The following MEG3 variants were observed in gnomAD, a reference collection of about 807,000 sequenced individuals.
MEG3 encodes Very putative protein from MEG3 locus.
exon 1 of MEG3, chr14:100,858,970 T>A (rs2038322507): frequency 6.6e-6 from 1 of 152,406 alleles, no homozygotes; most frequent in African/African-American, 2.4e-5. Flanking sequence ...AGGCACCTAG[T>A]GTCCCTTGGA....
At position 100,837,361 on chromosome 14, in the gene MEG3, A is replaced by G. The variant is rs1486700541; in HGVS notation, n.3045+1061A>G. 6.6e-6 allele frequency among the ~76,000 whole-genome samples: 1 copy of G among 152,078 alleles called. No individual in the cohort carries two copies. The highest frequency in any genetic ancestry group is 2.4e-5 in the African/African-American group (1 of 41,414). ...GTCAGGATCCTGGCACCCCTCATAT[A>G]TGACGCCCCTGGGGTGGCCATTGTG... On this transcript the variant is annotated intron_variant and non_coding_transcript_variant, in intron 2 of 3. Coordinates refer to the MEG3 transcript ENST00000398461. This position sits in a 1 kb window ranked among gnomAD's most constrained non-coding sequence, Gnocchi z 5.8.
At chr14:100,838,349 C>T (rs938863265) in intron 2 of MEG3, among the ~76,000 whole-genome samples, 4 of 152,144 alleles carry the variant, frequency 2.6e-5, no homozygotes, top group African/African-American at 7.2e-5. Flanking sequence ...GTTTCGGTCT[C>T]AGGCAAACAC....
Position 100,837,841 on chromosome 14 carries a change from G to A in MEG3, n.3045+1541G>A, listed in dbSNP as rs74080165. 0.024 allele frequency among the ~76,000 whole-genome samples: 3,615 copies of A among 152,204 alleles called. 141 individuals are homozygous for A. The highest frequency in any genetic ancestry group is 0.077 in the African/African-American group (3,202 of 41,486). On this transcript the variant is annotated intron_variant and non_coding_transcript_variant, in intron 2 of 3. Transcript: ENST00000398461. This position sits in a 1 kb window ranked among gnomAD's most constrained non-coding sequence, Gnocchi z 5.8. ...GGCAGCGTAGGCAGAGGGGGCAGAG[G>A]CGCTCTAACCTGGGGCTGTTGCCTT... is the stretch of plus-strand genomic sequence containing the variant.
At position 100,845,513 on chromosome 14, in the gene MEG3, G is replaced by T; in HGVS notation, n.3101G>T. 1 of 456,732 alleles carries T rather than the reference G, an allele frequency of 2.2e-6. No individual in the cohort carries two copies. Among genetic ancestry groups the T allele is most frequent in the Non-Finnish European group, 4.4e-6 (1 of 226,964 alleles). The allele number at this position is 456,732 out of a possible 1,614,324, so 28.3% of individuals were successfully genotyped here. Reference sequence around the variant, plus strand: ...AAGGGACCTCGAATGTGGGACCCCAGCCCCTCTCCAGCTCGAAATCGTAAG... The same window carrying T: ...AAGGGACCTCGAATGTGGGACCCCATCCCCTCTCCAGCTCGAAATCGTAAG... On this transcript the variant is annotated non_coding_transcript_exon_variant, in exon 3 of 4. Coordinates refer to the MEG3 transcript ENST00000398461. The surrounding 1 kb of genome is among the most constrained non-coding windows in gnomAD (Gnocchi z 5.2).
At position 100,845,328 on chromosome 14, in the gene MEG3, T is replaced by A. The variant is rs1309774788; in HGVS notation, n.3046-130T>A. On this transcript the variant is annotated intron_variant and non_coding_transcript_variant, in intron 2 of 3. Coordinates refer to the MEG3 transcript ENST00000398461. This position sits in a 1 kb window ranked among gnomAD's most constrained non-coding sequence, Gnocchi z 5.2. ...GTGGCTTCTCCAATTCCACACTTGC[T>A]GGAGGTTGGGGAGTCTCTGCTCCAG... 2.8e-6 allele frequency: 1 copy of A among 356,358 alleles called. No homozygotes were observed. The highest frequency in any genetic ancestry group is 5.6e-6 in the Non-Finnish European group (1 of 179,004). 22.1% of individuals were successfully genotyped at this position (356,358 alleles called of 1,614,324 possible).
At chr14:100,842,966 C>A (rs1036439296) in intron 2 of MEG3, among the ~76,000 whole-genome samples, 2 of 152,204 alleles carry the variant, frequency 1.3e-5, no homozygotes, top group African/African-American at 4.8e-5. Flanking sequence ...AGTGACTCAT[C>A]TCTGCAGCTT....
chr14:100,858,688 A>AT (rs1451665013), exon 1 of MEG3: 1 of 153,106 alleles, frequency 6.5e-6, no homozygotes, highest in Non-Finnish European at 1.5e-5. Context: ...GCCTGCTCCC[A>AT]GAAGCACCCA....
intron 2 of MEG3, among the ~76,000 whole-genome samples, chr14:100,841,955 C>T (rs1404507901): frequency 2.0e-5 from 3 of 152,188 alleles, no homozygotes; most frequent in African/African-American, 7.2e-5. Flanking sequence ...TGAGAACTTC[C>T]TGAAAAAGCC....
exon 1 of MEG3, chr14:100,857,283 A>G (rs1440501677): frequency 6.6e-6 from 1 of 152,208 alleles, no homozygotes; most frequent in Non-Finnish European, 1.5e-5. Flanking sequence ...TGGCAGACCC[A>G]GGGGCCACTT....
At chr14:100,846,533 T>A (rs1243357636) in intron 3 of MEG3, 1 of 152,290 alleles carries the variant, frequency 6.6e-6, no homozygotes, top group Non-Finnish European at 1.5e-5. Flanking sequence ...AAAGATACTG[T>A]GAATGTTCTG....
At chr14:100,834,427 A>C (rs2037492369) in exon 1 of MEG3, 2 of 276,694 alleles carry the variant, frequency 7.2e-6, no homozygotes, top group Non-Finnish European at 1.4e-5. Flanking sequence ...GAGCCCTAAA[A>C]ACTTTCAAAA....
At chr14:100,827,114 G>C (rs1375605599) in intron 1 of MEG3, among the ~76,000 whole-genome samples, 1 of 152,166 alleles carries the variant, frequency 6.6e-6, no homozygotes, top group East Asian at 1.9e-4. Context: ...AGAGCGTTGC[G>C]TGGTGGTCGC....
downstream of MEG3, chr14:100,829,608 A>G (rs2037342220): frequency 6.6e-6 from 1 of 152,270 alleles, no homozygotes; most frequent in Non-Finnish European, 1.5e-5. Context: ...AGGATCTGGC[A>G]TAGAGGAGGT....
intron 2 of MEG3, among the ~76,000 whole-genome samples, chr14:100,840,706 A>G (rs563140841): frequency 6.6e-6 from 1 of 152,318 alleles, no homozygotes; most frequent in African/African-American, 2.4e-5. Context: ...TGATTTTGAA[A>G]GTTTCTTAGC....
downstream of MEG3, chr14:100,832,032 C>T (rs1389098719): frequency 2.0e-5 from 3 of 150,282 alleles, no homozygotes; most frequent in East Asian, 3.9e-4. Context: ...CGGGGAGGAC[C>T]GAAGAGAGAA....
At chr14:100,829,023 A>C (rs2037327360) in intron 2 of MEG3, 1 of 152,158 alleles carries the variant, frequency 6.6e-6, no homozygotes, top group Non-Finnish European at 1.5e-5. Flanking sequence ...CTAACCTTTG[A>C]TCAATTGCAG....
upstream of MEG3, chr14:100,855,663 C>G (rs557647070): frequency 6.6e-6 from 1 of 152,368 alleles, no homozygotes; most frequent in Non-Finnish European, 1.5e-5. Flanking sequence ...CATTCATTCA[C>G]TCACAGCCAA....
In MEG3 at chr14:100,839,345, G is replaced by C. The variant is rs1317361154; in HGVS notation, n.3045+3045G>C. On this transcript the variant is annotated intron_variant and non_coding_transcript_variant, in intron 2 of 3. Coordinates refer to the MEG3 transcript ENST00000398461. ...TCCCAAGGACTGGTTCCCCCTCCCT[G>C]CTGTTTCTCTGAGCCCTGTCCCCTC... Among the ~76,000 whole-genome samples the C allele has an allele frequency of 2.6e-5, 4 of 152,182 alleles. No individual in the cohort carries two copies. The East Asian group carries it at 5.8e-4, about 22-fold the overall frequency.
At chr14:100,844,029 A>G in intron 2 of MEG3, among the ~76,000 whole-genome samples, 1 of 151,832 alleles carries the variant, frequency 6.6e-6, no homozygotes, top group East Asian at 1.9e-4. Flanking sequence ...ACGGGGTTTC[A>G]TCATGTTGGT....
Sources: allele counts gnomAD v4.1 joint callset (sites outside exome capture counted in the v4.1 genomes callset), GRCh38; gene constraint gnomAD v4.1.1; non-coding constraint Gnocchi (gnomAD v3.1); transcripts MANE v1.5; gene names NCBI Gene and HGNC (gene_info 2026-07-23, HGNC 2026-07-21).